PCDH7: variants seen among roughly 807,000 people sequenced by gnomAD.
PCDH7 encodes protocadherin-7.
In PCDH7, 17 loss-of-function variants were observed where a neutral mutation model predicts 58.9. The ratio of observed to expected loss-of-function variants is 0.29; its 90% CI spans 0.20 to 0.43. PCDH7 has a LOEUF of 0.43. PCDH7 is among the 20% of genes least tolerant of loss of function. PCDH7 has a pLI of 1.00. For missense variants in PCDH7, 1,274 were observed against 1,441.0 expected, an observed-to-expected ratio of 0.88 and a Z score of 1.88; for synonymous variants, 664 against 616.4, an observed-to-expected ratio of 1.08 and a Z score of -1.14.
chr4:31,108,038 T>C (rs1438486081), intron 3 of PCDH7, among the ~76,000 whole-genome samples: 1 of 152,138 alleles, frequency 6.6e-6, no homozygotes. Context: ...TTCTGCATTT[T>C]TTAGTTTGTT....
rs114117366 is a variant in PCDH7 at position 30,831,193 on chromosome 4, A to T, written c.71-88960A>T. Reference sequence around the variant, plus strand: ...TTCCACATCCTCTCCAACTGGACAGAATTTGTCCCTCATACGCTTCGTCTA... The same window carrying T: ...TTCCACATCCTCTCCAACTGGACAGTATTTGTCCCTCATACGCTTCGTCTA... On this transcript the variant is annotated intron_variant, in intron 1 of 3. Transcript: ENST00000509759. 5.1e-3 allele frequency among the ~76,000 whole-genome samples: 779 copies of T among 152,210 alleles called. 5 individuals carry two copies. The highest frequency in any genetic ancestry group is 8.5e-3 in the Non-Finnish European group (577 of 68,000).
In PCDH7 at chr4:31,016,974, TGA is replaced by T. The variant is rs568182429; in HGVS notation, c.*7+66771_*7+66772del. On this transcript the variant is annotated intron_variant, in intron 3 of 3. Coordinates refer to the PCDH7 transcript ENST00000509759. The stretch of plus-strand genomic sequence containing the variant: ...GTGTGTATGTGTTTGTGTGTGTGTG[TGA>T]GAGAGAGAGAGTTGGGTATTCTTCT... 4.0e-4 allele frequency among the ~76,000 whole-genome samples: 60 copies of T among 151,316 alleles called. 2 individuals are homozygous for T. The South Asian group carries it at 9.8e-3, about 25-fold the overall frequency.
chr4:30,720,549 G>T lies in PCDH7; in HGVS notation c.-874G>T, dbSNP rs1713328701. On this transcript the variant is annotated 5_prime_UTR_variant, in exon 1 of 2. An upstream start codon of the reference 5' UTR is lost. Transcript: ENST00000361762. This position sits in a 1 kb window ranked among gnomAD's most constrained non-coding sequence, Gnocchi z 4.7. ...TTCAGGCGGCTGCTTCGTGACTAATGACCTTGCGCAGAGTTGTTAAGAAAA... is the reference window on the plus strand; with the variant it reads ...TTCAGGCGGCTGCTTCGTGACTAATTACCTTGCGCAGAGTTGTTAAGAAAA... 1 of 152,694 alleles carries T rather than the reference G, an allele frequency of 6.5e-6. No homozygotes were observed. Among genetic ancestry groups the T allele is most frequent in the Non-Finnish European group, 1.5e-5 (1 of 68,084 alleles). 9.5% of individuals were successfully genotyped at this position (152,694 alleles called of 1,614,324 possible).
intron 3 of PCDH7, among the ~76,000 whole-genome samples, chr4:30,970,206 A>G (rs1309993516): frequency 6.6e-6 from 1 of 152,228 alleles, no homozygotes; most frequent in Non-Finnish European, 1.5e-5. Context: ...AAGTTACACA[A>G]CAAAGTGTGA....
intron 1 of PCDH7, among the ~76,000 whole-genome samples, chr4:30,751,222 TTTAAA>T (rs1341092953): frequency 6.6e-6 from 1 of 152,236 alleles, no homozygotes; most frequent in Non-Finnish European, 1.5e-5. Flanking sequence ...GAATTTTGTC[TTTAAA>T]TTAAAATCTT....
chr4:31,116,961 G>T (rs939434313), intron 3 of PCDH7, among the ~76,000 whole-genome samples: 1 of 152,092 alleles, frequency 6.6e-6, no homozygotes, highest in Non-Finnish European at 1.5e-5. Context: ...TCAGACTCCT[G>T]AGTAGCTGGG....
intron 3 of PCDH7, among the ~76,000 whole-genome samples, chr4:31,019,628 GC>G (rs1753872695): frequency 6.6e-6 from 1 of 151,760 alleles, no homozygotes; most frequent in South Asian, 2.1e-4. Flanking sequence ...GGTGGAGGTT[GC>G]AGTGAGCCCA....
intron 1 of PCDH7, among the ~76,000 whole-genome samples, chr4:30,863,964 A>G (rs983769698): frequency 6.6e-6 from 1 of 152,132 alleles, no homozygotes; most frequent in Non-Finnish European, 1.5e-5. Context: ...TAGTTGTGAT[A>G]GGTTATTCAC....
chr4:31,142,630 A>G (rs778719351), exon 4 of PCDH7: 7 of 1,367,666 alleles, frequency 5.1e-6, no homozygotes, highest in Non-Finnish European at 6.8e-6. Context: ...TTGATGAACG[A>G]GGAAGCCAGG....
intron 3 of PCDH7, among the ~76,000 whole-genome samples, chr4:31,106,742 C>G (rs1272006524): frequency 6.6e-6 from 1 of 152,198 alleles, no homozygotes; most frequent in African/African-American, 2.4e-5. Context: ...TGGCCACACT[C>G]ATGTTGAAGG....
intron 3 of PCDH7, among the ~76,000 whole-genome samples, chr4:31,080,758 T>A (rs576930992): frequency 6.6e-6 from 1 of 152,206 alleles, no homozygotes; most frequent in Non-Finnish European, 1.5e-5. Context: ...TAATGTGATA[T>A]GGTTTGGCTG....
At chr4:30,902,866 C>T (rs1209628263) in intron 1 of PCDH7, among the ~76,000 whole-genome samples, 1 of 152,036 alleles carries the variant, frequency 6.6e-6, no homozygotes, top group African/African-American at 2.4e-5. Context: ...TTGTTTTGCC[C>T]TCCTGTTTAA....
intron 1 of PCDH7, among the ~76,000 whole-genome samples, chr4:30,770,923 G>GT (rs1192003702): frequency 6.6e-6 from 1 of 152,100 alleles, no homozygotes; most frequent in Admixed American, 6.6e-5. Flanking sequence ...CTTACTTTCT[G>GT]TAACTATTTT....
intron 1 of PCDH7, among the ~76,000 whole-genome samples, chr4:30,846,476 G>C (rs1731969012): frequency 6.6e-6 from 1 of 150,670 alleles, no homozygotes; most frequent in South Asian, 2.1e-4. Context: ...CCAGACTCCA[G>C]AACTGTGAGT....
intron 3 of PCDH7, among the ~76,000 whole-genome samples, chr4:31,006,188 G>A (rs1362983192): frequency 6.6e-6 from 1 of 152,124 alleles, no homozygotes; most frequent in African/African-American, 2.4e-5. Context: ...TACATTTTGG[G>A]ATTAAAATCA....
chr4:30,823,021 A>C (rs1728571446), intron 1 of PCDH7, among the ~76,000 whole-genome samples: 1 of 152,200 alleles, frequency 6.6e-6, no homozygotes, highest in African/African-American at 2.4e-5. Flanking sequence ...GGCAGTTGAC[A>C]ATACAGGCAT....
chr4:30,946,749 C>G (rs1746738866), intron 2 of PCDH7, among the ~76,000 whole-genome samples: 1 of 137,732 alleles, frequency 7.3e-6, no homozygotes. Flanking sequence ...GCTCTGTCAC[C>G]CAGGCTGGAG....
At chr4:30,932,657 T>C (rs1170760983) in intron 2 of PCDH7, among the ~76,000 whole-genome samples, 1 of 152,162 alleles carries the variant, frequency 6.6e-6, no homozygotes, top group African/African-American at 2.4e-5. Flanking sequence ...CCTGGAACAT[T>C]AAATAGAATG....
chr4:30,868,026 G>A (rs1735095517), intron 1 of PCDH7, among the ~76,000 whole-genome samples: 1 of 151,990 alleles, frequency 6.6e-6, no homozygotes, highest in South Asian at 2.1e-4. Flanking sequence ...ATTATTAATA[G>A]TTATTATCCA....
Sources: gnomAD v4.1 joint callset for allele counts (sites outside exome capture counted in the v4.1 genomes callset) on GRCh38, gnomAD v4.1.1 for gene constraint, Gnocchi (gnomAD v3.1) non-coding constraint, MANE v1.5 for transcripts, NCBI Gene and HGNC (gene_info 2026-07-23, HGNC 2026-07-21) for gene names.